Variants in HTR4 observed in about 807,000 individuals in gnomAD.
HTR4 encodes the protein 5-hydroxytryptamine receptor 4.
HTR4 carries 16 observed loss-of-function variants against 36.8 expected under a neutral mutation model. The ratio of observed to expected loss-of-function variants is 0.43; its 90% confidence interval spans 0.29 to 0.66. HTR4 has a LOEUF of 0.66. Among genes scored for constraint, HTR4 ranks in the 30% least tolerant of loss-of-function variants. The pLI is 0.13. For missense variants in HTR4, 438 were observed against 490.9 expected (o/e 0.89, Z 1.02); for synonymous variants, 189 against 185.1 (o/e 1.02, Z -0.17).
intron 6 of HTR4, among the ~76,000 whole-genome samples, chr5:148,486,252 T>A (rs556090460): frequency 1.7e-4 from 26 of 152,334 alleles, no homozygotes; most frequent in African/African-American, 5.3e-4. Flanking sequence ...TTTAGTGTCA[T>A]CTGCCTTTTA....
In HTR4 at chr5:148,631,771, G is replaced by C. The variant is rs147681048; in HGVS notation, c.26+5218C>G. On this transcript the variant is annotated intron_variant, in intron 2 of 6. Transcript: ENST00000377888. ...GATCTAAAGTAATGAATTGTGACTT[G>C]GTGTCATGACAGAATTAAGGCAACT... 4.0e-3 allele frequency among the ~76,000 whole-genome samples: 606 copies of C among 152,140 alleles called. 5 individuals carry two copies. The highest frequency in any genetic ancestry group is 0.011 in the South Asian group (53 of 4,816).
At chr5:148,609,065 G>A (rs1314348722) in intron 2 of HTR4, among the ~76,000 whole-genome samples, 2 of 152,136 alleles carry the variant, frequency 1.3e-5, no homozygotes, top group African/African-American at 4.8e-5. Flanking sequence ...TGAAGATAGG[G>A]AATAAGAATG....
At chr5:148,615,610 G>A (rs1752637924) in intron 2 of HTR4, among the ~76,000 whole-genome samples, 1 of 151,038 alleles carries the variant, frequency 6.6e-6, no homozygotes, top group Non-Finnish European at 1.5e-5. Flanking sequence ...TAGCACACCA[G>A]CATGGCACAT....
intron 6 of HTR4, chr5:148,490,944 C>G (rs939852877): frequency 4.8e-6 from 2 of 413,458 alleles, no homozygotes; most frequent in African/African-American, 4.2e-5. Flanking sequence ...GTCATAAATT[C>G]TGTAGAGAAA....
chr5:148,502,898 T>G (rs915062630), intron 6 of HTR4, among the ~76,000 whole-genome samples: 3 of 152,074 alleles, frequency 2.0e-5, no homozygotes, highest in African/African-American at 7.2e-5. Flanking sequence ...TATCAGTGAT[T>G]GAAGATCAAA....
At chr5:148,470,254 T>C (rs1755532174) in intron 5 of HTR4, among the ~76,000 whole-genome samples, 1 of 152,214 alleles carries the variant, frequency 6.6e-6, no homozygotes, top group Admixed American at 6.5e-5. Context: ...AAGCCTCCTT[T>C]TTCAGCATTT....
intron 6 of HTR4, among the ~76,000 whole-genome samples, chr5:148,491,538 C>T (rs1002381401): frequency 6.6e-6 from 1 of 152,066 alleles, no homozygotes; most frequent in Non-Finnish European, 1.5e-5. Flanking sequence ...ATTCTTTGCT[C>T]TGGGGTGTTC....
chr5:148,550,206 G>T lies in HTR4; in HGVS notation c.83C>A (p.Thr28Lys), dbSNP rs1015629322. The change falls in exon 3 of 7, where the codon ACG (threonine) becomes AAG (lysine). Residue 28 changes from threonine (T) to lysine (K), a missense_variant. Thr to Lys is a moderately conservative substitution (Grantham distance 78). Transcript: ENST00000377888. ...EKVVLLTFLS[T>K]VILMAILGNL... ...CCCCAAGATGGCCATCAGGATAACCGTCGAGAGAAACGTGAGCAGCACCAC... is the reference window on the plus strand; with the variant it reads ...CCCCAAGATGGCCATCAGGATAACCTTCGAGAGAAACGTGAGCAGCACCAC... 1 of 1,613,910 alleles carries T rather than the reference G, an allele frequency of 6.2e-7. No individual in the cohort carries two copies. Among genetic ancestry groups the T allele is most frequent in the African/African-American group, 1.3e-5 (1 of 74,862 alleles).
chr5:148,573,793 T>A lies in HTR4; in HGVS notation c.27-23531A>T, dbSNP rs572186794. On this transcript the variant is annotated intron_variant, in intron 2 of 6. Transcript: ENST00000377888. ...AAGCCTTACAATGTAGTGAGCTCCC[T>A]AACACCAGAGTGTTGCAAGCAAAAG... is the stretch of plus-strand genomic sequence containing the variant. 4.6e-5 allele frequency among the ~76,000 whole-genome samples: 7 copies of A among 151,974 alleles called. 1 individual carries two copies. Among genetic ancestry groups the A allele is most frequent in the African/African-American group, 1.7e-4 (7 of 41,494 alleles).
downstream of HTR4, chr5:148,476,590 G>A (rs1755703804): frequency 1.3e-6 from 2 of 1,485,812 alleles, no homozygotes; most frequent in Non-Finnish European, 8.9e-7. Flanking sequence ...GGCTGGTACA[G>A]TGGAGATGCC....
chr5:148,567,107 C>A (rs936523078), intron 2 of HTR4, among the ~76,000 whole-genome samples: 1 of 152,006 alleles, frequency 6.6e-6, no homozygotes, highest in Admixed American at 6.6e-5. Context: ...TTTTTAATTG[C>A]AAATGTAGCT....
intron 2 of HTR4, among the ~76,000 whole-genome samples, chr5:148,618,214 C>T (rs1397479257): frequency 1.3e-5 from 2 of 152,128 alleles, no homozygotes; most frequent in Non-Finnish European, 2.9e-5. Context: ...CACTCTGAAG[C>T]CTGATGACAC....
intron 2 of HTR4, among the ~76,000 whole-genome samples, chr5:148,623,971 C>T (rs1374299854): frequency 1.3e-5 from 2 of 152,196 alleles, no homozygotes; most frequent in Non-Finnish European, 2.9e-5. Context: ...AGCACATGGC[C>T]TCACCTATCT....
At chr5:148,515,443 T>C (rs997053200) in intron 5 of HTR4, among the ~76,000 whole-genome samples, 4 of 152,210 alleles carry the variant, frequency 2.6e-5, no homozygotes, top group Non-Finnish European at 5.9e-5. Flanking sequence ...CTGTCCTGCA[T>C]TATGGTGTTT....
intron 5 of HTR4, among the ~76,000 whole-genome samples, chr5:148,456,151 C>T (rs1277800216): frequency 6.6e-6 from 1 of 152,104 alleles, no homozygotes; most frequent in Non-Finnish European, 1.5e-5. Flanking sequence ...ACAGCACATC[C>T]CAACTGGAGT....
chr5:148,633,625 C>T (rs112896827), intron 2 of HTR4, among the ~76,000 whole-genome samples: 2,721 of 149,386 alleles, frequency 0.018, 78 homozygotes, highest in African/African-American at 0.062. Context: ...TGAGAACATG[C>T]GGTGTTTGGT....
chr5:148,457,789 TATCATTAAA>T (rs1755137451), intron 5 of HTR4, among the ~76,000 whole-genome samples: 1 of 140,208 alleles, frequency 7.1e-6, no homozygotes, highest in Non-Finnish European at 1.5e-5. Flanking sequence ...TATTTTGACA[TATCATTAAA>T]ATATCATATA....
chr5:148,560,013 T>C (rs991514019), intron 2 of HTR4, among the ~76,000 whole-genome samples: 3 of 152,162 alleles, frequency 2.0e-5, no homozygotes, highest in Non-Finnish European at 4.4e-5. Context: ...TTTGTTTCCA[T>C]ATTCTAGGTG....
At chr5:148,546,597 A>G (rs1332827973) in intron 4 of HTR4, among the ~76,000 whole-genome samples, 1 of 152,198 alleles carries the variant, frequency 6.6e-6, no homozygotes, top group Non-Finnish European at 1.5e-5. Flanking sequence ...TGCCCACAGC[A>G]AACTCTCCAC....
Sources: allele counts gnomAD v4.1 joint callset (sites outside exome capture counted in the v4.1 genomes callset), GRCh38; gene constraint gnomAD v4.1.1; transcripts MANE v1.5; gene names NCBI Gene and HGNC (gene_info 2026-07-23, HGNC 2026-07-21).